The following BORCS8 variants were observed in gnomAD, a reference collection of about 807,000 sequenced individuals.
The protein encoded by BORCS8 is BLOC-1 related complex subunit 8, also known as BLOC-1-related complex subunit 8.
A neutral mutation model predicts 18.7 loss-of-function variants in BORCS8; 13 were observed. The ratio of observed to expected loss-of-function variants is 0.70; its 90% CI spans 0.45 to 1.11. The LOEUF is 1.11. Among genes scored for constraint, BORCS8 ranks in the 50% least tolerant of loss-of-function variants. The pLI is 0.00. For missense variants in BORCS8, 165 were observed against 165.7 expected (o/e 1.00, Z 0.02); for synonymous variants, 68 against 64.8 (o/e 1.05, Z -0.24).
intron 1 of BORCS8, among the ~76,000 whole-genome samples, chr19:19,189,170 T>C (rs960208464): frequency 6.6e-6 from 1 of 151,834 alleles, no homozygotes; most frequent in East Asian, 1.9e-4. Flanking sequence ...CATTACAGGG[T>C]CTGTTTCAAC....
chr19:19,187,942 A>G (rs937144905), intron 1 of BORCS8, among the ~76,000 whole-genome samples: 3 of 151,832 alleles, frequency 2.0e-5, no homozygotes, highest in Non-Finnish European at 4.4e-5. Context: ...TCCCAGCCTC[A>G]AGGCATCATC....
intron 5 of BORCS8, chr19:19,177,661 G>A (rs1422897795): frequency 1.2e-5 from 1 of 82,070 alleles, no homozygotes; most frequent in African/African-American, 5.4e-5. Context: ...AGGAAGGAAG[G>A]AAGGAAGGAA....
chr19:19,187,881 G>A (rs2060426240), intron 1 of BORCS8, among the ~76,000 whole-genome samples: 1 of 145,040 alleles, frequency 6.9e-6, no homozygotes, highest in African/African-American at 2.6e-5. Flanking sequence ...TCGCTCTGTT[G>A]CCCAGGCTGG....
chr19:19,187,106 G>T, intron 1 of BORCS8, 101 bp from the exon 2 acceptor site: 1 of 855,056 alleles, frequency 1.2e-6, no homozygotes, highest in Non-Finnish European at 1.8e-6. Flanking sequence ...GGGGCATCTG[G>T]CGTGTCCCTC....
At chr19:19,183,137 A>G (rs1444484215) in intron 3 of BORCS8, among the ~76,000 whole-genome samples, 3 of 152,148 alleles carry the variant, frequency 2.0e-5, no homozygotes, top group African/African-American at 4.8e-5. Flanking sequence ...GGATGGGCGC[A>G]GTGGATCATG....
intron 4 of BORCS8, among the ~76,000 whole-genome samples, chr19:19,181,723 T>G (rs2060350950): frequency 6.6e-6 from 1 of 152,174 alleles, no homozygotes; most frequent in Non-Finnish European, 1.5e-5. Flanking sequence ...TTCTTACACA[T>G]ACACTCAAGT....
chr19:19,181,654 C>G (rs1032854005), intron 4 of BORCS8, among the ~76,000 whole-genome samples: 10 of 152,214 alleles, frequency 6.6e-5, no homozygotes. Context: ...TCTTCAGATG[C>G]AAGAGAGCCC....
chr19:19,190,114 G>A (rs1409357743), intron 1 of BORCS8, among the ~76,000 whole-genome samples: 3 of 152,082 alleles, frequency 2.0e-5, no homozygotes. Flanking sequence ...TGACTACCAA[G>A]CTTAAAAGAT....
intron 1 of BORCS8, among the ~76,000 whole-genome samples, chr19:19,189,302 G>A (rs184845774): frequency 4.4e-4 from 67 of 152,158 alleles, no homozygotes; most frequent in African/African-American, 1.4e-3. Flanking sequence ...CAGGCACAGC[G>A]AGGCACGGCC....
intron 5 of BORCS8, chr19:19,177,696 G>GGAAGGAAGGAAGGAAGGGAAAAGAAA (rs1376064847): frequency 4.0e-5 from 3 of 74,650 alleles, no homozygotes; most frequent in Admixed American, 1.7e-4. Context: ...AAGGAAGGAA[G>GGAAGGAAGGAAGGAAGGGAAAAGAAA]AGAAAAGAAA....
rs2092383713 is a variant in BORCS8, at chr19:19,182,245, GCAGTGTTCTTCA to G, written c.326+316_326+327del. ...CATGCCACCTCCTAGGAGGGGCCCC[GCAGTGTTCTTCA>G]CAGCGCATCTGACATGCTCTTGTCT... On this transcript the variant is annotated intron_variant, in intron 4 of 5. Coordinates refer to ENST00000462790, the MANE Select transcript of BORCS8 (RefSeq NM_001145784.2). The surrounding 1 kb of genome is among the most constrained non-coding windows in gnomAD (Gnocchi z 4.1). 2.2e-6 allele frequency: 1 copy of G among 445,312 alleles called. No individual in the cohort carries two copies. The highest frequency in any genetic ancestry group is 3.2e-6 in the Non-Finnish European group (1 of 312,998). 27.6% of individuals were successfully genotyped at this position (445,312 alleles called of 1,614,324 possible).
intron 2 of BORCS8, among the ~76,000 whole-genome samples, chr19:19,186,593 T>C (rs1012142692): frequency 3.9e-5 from 6 of 152,216 alleles, no homozygotes; most frequent in Admixed American, 3.9e-4. Flanking sequence ...CTTGCTGCCA[T>C]GTGAGGAAGT....
At chr19:19,177,696 G>GGAAGGAAGGAAAAAGAAAAGAAAAGAAA (rs1376064847) in intron 5 of BORCS8, 15 of 74,650 alleles carry the variant, frequency 2.0e-4, no homozygotes, top group African/African-American at 7.1e-4. Context: ...AAGGAAGGAA[G>GGAAGGAAGGAAAAAGAAAAGAAAAGAAA]AGAAAAGAAA....
chr19:19,186,194 A>G, intron 2 of BORCS8, 96 bp from the exon 3 acceptor site: 2 of 1,181,670 alleles, frequency 1.7e-6, no homozygotes, highest in Admixed American at 4.0e-5. Flanking sequence ...CTGAGTCCTC[A>G]TGGTGGAAGC....
At chr19:19,186,855 C>T in intron 2 of BORCS8, 38 bp downstream of exon 2, 1 of 1,435,720 alleles carries the variant, frequency 7.0e-7, no homozygotes. Flanking sequence ...GACTCCTGCC[C>T]TGACAGCCCC....
intron 5 of BORCS8, chr19:19,179,771 CG>C (rs1211177209): frequency 6.5e-6 from 1 of 152,902 alleles, no homozygotes; most frequent in Admixed American, 6.5e-5. Flanking sequence ...TGCACTTGTG[CG>C]GTCCTCTCCC....
Position 19,185,396 on chromosome 19 carries a change from G to C in BORCS8, c.215+638C>G, listed in dbSNP as rs114890963. ...GGAGGCAAGGGGTCAGTAACAAAAA[G>C]AAACACCGGCCAGGCGTGGTGGCTC... On this transcript the variant is annotated intron_variant, in intron 3 of 5. Coordinates refer to ENST00000462790, the MANE Select transcript of BORCS8 (RefSeq NM_001145784.2). 1.2e-3 allele frequency among the ~76,000 whole-genome samples: 178 copies of C among 152,288 alleles called. 1 individual carries two copies. The highest frequency in any genetic ancestry group is 4.0e-3 in the African/African-American group (167 of 41,578).
At position 19,177,679 on chromosome 19, in the gene BORCS8, AGGAAGGAAGGAAG is replaced by A. The variant is rs1453612766; in HGVS notation, c.*43-232_*43-220del. On this transcript the variant is annotated intron_variant, in intron 5 of 5. Transcript: ENST00000462790. The stretch of plus-strand genomic sequence containing the variant: ...AAGGAAGGAAGGAAGGAAGGAAGGA[AGGAAGGAAGGAAG>A]GAAGAGAAAAGAAAAGAAAAGAAAA... 144 of 91,520 alleles carry A rather than the reference AGGAAGGAAGGAAG, an allele frequency of 1.6e-3. 3 individuals are homozygous for A. Among genetic ancestry groups the A allele is most frequent in the African/African-American group, 4.4e-3 (95 of 21,568 alleles). 5.7% of individuals were successfully genotyped at this position (91,520 alleles called of 1,614,324 possible). A position where few individuals can be genotyped will look rare whatever the true frequency, so the allele number is the denominator to read the frequency against.
At position 19,180,687 on chromosome 19, in the gene BORCS8, TG is replaced by T; in HGVS notation, c.*40del. The T allele has an allele frequency of 6.5e-7, 1 of 1,542,272 alleles. No individual in the cohort carries two copies. The highest frequency in any genetic ancestry group is 1.2e-5 in the South Asian group (1 of 83,842). ...CTCGTGGCTACCCTCGGCACTGACC[TG>T]GGTTGGCGGAGGCTGGGGGGCCCCG... On this transcript the variant is annotated splice_region_variant and 3_prime_UTR_variant, in exon 5 of 6. Coordinates refer to ENST00000462790, the MANE Select transcript of BORCS8 (RefSeq NM_001145784.2).
Sources: gnomAD v4.1 joint callset for allele counts (sites outside exome capture counted in the v4.1 genomes callset) on GRCh38, gnomAD v4.1.1 for gene constraint, Gnocchi (gnomAD v3.1) non-coding constraint, MANE v1.5 for transcripts, NCBI Gene and HGNC (gene_info 2026-07-23, HGNC 2026-07-21) for gene names.